Variants in UBE2W observed in about 807,000 individuals in gnomAD.
UBE2W encodes the protein ubiquitin-conjugating enzyme E2 W.
UBE2W carries 18 observed loss-of-function variants against 27.2 expected under a neutral mutation model. The observed-to-expected ratio is 0.66, with a 90% CI of 0.46 to 0.98. The LOEUF (loss-of-function observed/expected upper bound fraction) is 0.98, where lower values mean the gene tolerates loss of function less well. Among genes scored for constraint, UBE2W ranks in the 50% least tolerant of loss-of-function variants. The probability of loss-of-function intolerance (pLI) is 0.00; values close to 1 mark genes in which losing one functional copy is unlikely to be tolerated. For missense variants in UBE2W, 90 were observed against 180.2 expected, an observed-to-expected ratio of 0.50 and a Z score of 2.87; for synonymous variants, 53 against 57.2, an observed-to-expected ratio of 0.93 and a Z score of 0.33.
chr8:73,866,580 C>G (rs573272167), intron 1 of UBE2W, among the ~76,000 whole-genome samples: 141 of 151,578 alleles, frequency 9.3e-4, no homozygotes, highest in African/African-American at 3.2e-3. Context: ...AATGTAAAAG[C>G]CAGAATTATT....
intron 1 of UBE2W, among the ~76,000 whole-genome samples, chr8:73,875,318 C>G (rs909501415): frequency 6.6e-6 from 1 of 152,140 alleles, no homozygotes; most frequent in Non-Finnish European, 1.5e-5. Flanking sequence ...CCAGGTGCTT[C>G]TAGCCTCCCA....
At chr8:73,794,168 A>G (rs117165729) in intron 5 of UBE2W, 53 bp from the exon 6 acceptor site, 18,933 of 1,589,390 alleles carry the variant, frequency 0.012, 132 homozygotes, top group Non-Finnish European at 0.014. Flanking sequence ...GTATAAGTAA[A>G]TTCTACAAGT....
chr8:73,816,832 C>G (rs1483974847), intron 3 of UBE2W, among the ~76,000 whole-genome samples: 1 of 152,138 alleles, frequency 6.6e-6, no homozygotes, highest in Non-Finnish European at 1.5e-5. Flanking sequence ...TTAGGAGTTC[C>G]AGACCAGCCT....
intron 1 of UBE2W, among the ~76,000 whole-genome samples, chr8:73,846,203 C>A (rs1810790444): frequency 6.6e-6 from 1 of 152,098 alleles, no homozygotes; most frequent in Non-Finnish European, 1.5e-5. Flanking sequence ...GCAGGACCAA[C>A]ATGACCAACA....
At chr8:73,822,986 T>C (rs545657836) in intron 3 of UBE2W, among the ~76,000 whole-genome samples, 34 of 152,264 alleles carry the variant, frequency 2.2e-4, no homozygotes, top group African/African-American at 7.9e-4. Flanking sequence ...TTTAGTTGTG[T>C]TAAATTTGAG....
intron 1 of UBE2W, among the ~76,000 whole-genome samples, chr8:73,863,408 T>C (rs1175326865): frequency 1.4e-5 from 2 of 141,116 alleles, no homozygotes; most frequent in Admixed American, 7.3e-5. Context: ...AAGGGGAGTA[T>C]CACACTCTGG....
chr8:73,850,222 G>A (rs1465617757), intron 1 of UBE2W, among the ~76,000 whole-genome samples: 1 of 152,174 alleles, frequency 6.6e-6, no homozygotes, highest in Non-Finnish European at 1.5e-5. Context: ...GAACCATAAG[G>A]AGTATCTTTC....
chr8:73,797,596 C>CA (rs1288878504), intron 5 of UBE2W, among the ~76,000 whole-genome samples: 1 of 152,188 alleles, frequency 6.6e-6, no homozygotes, highest in African/African-American at 2.4e-5. Context: ...AGCAACTATA[C>CA]AGCAGGAAGA....
At chr8:73,852,021 A>G (rs1811105342) in intron 1 of UBE2W, among the ~76,000 whole-genome samples, 1 of 147,686 alleles carries the variant, frequency 6.8e-6, no homozygotes, top group African/African-American at 2.5e-5. Context: ...ATGAAGGGGG[A>G]AGGAAAAAGG....
intron 5 of UBE2W, 142 bp from the exon 6 acceptor site, chr8:73,794,257 A>C (rs1808322124): frequency 1.0e-6 from 1 of 986,254 alleles, no homozygotes; most frequent in Non-Finnish European, 1.5e-6. Flanking sequence ...AAACCTGTGA[A>C]TACAAAGTGC....
intron 5 of UBE2W, among the ~76,000 whole-genome samples, chr8:73,799,266 T>C (rs1256665943): frequency 1.3e-5 from 2 of 152,062 alleles, no homozygotes; most frequent in Non-Finnish European, 2.9e-5. Context: ...CAAGCTATGA[T>C]GCAAGCAAAG....
At chr8:73,799,450 G>A (rs575107220) in intron 5 of UBE2W, among the ~76,000 whole-genome samples, 2 of 152,210 alleles carry the variant, frequency 1.3e-5, no homozygotes, top group East Asian at 3.9e-4. Flanking sequence ...CTTTAACACT[G>A]GTATTTGGCA....
At chr8:73,866,293 ATATATATAT>A (rs1811769151) in intron 1 of UBE2W, among the ~76,000 whole-genome samples, 1 of 61,518 alleles carries the variant, frequency 1.6e-5, no homozygotes, top group African/African-American at 7.1e-5. Context: ...AAAAAAAAAT[ATATATATAT>A]ATATATATAT....
intron 1 of UBE2W, among the ~76,000 whole-genome samples, chr8:73,848,615 C>T (rs543302793): frequency 3.9e-4 from 59 of 152,168 alleles, no homozygotes; most frequent in Non-Finnish European, 6.9e-4. Flanking sequence ...ACACCTGAGC[C>T]TAGGAATTGG....
At chr8:73,858,357 T>C (rs1811390365) in intron 1 of UBE2W, among the ~76,000 whole-genome samples, 2 of 51,682 alleles carry the variant, frequency 3.9e-5, no homozygotes, top group Non-Finnish European at 7.0e-5. Flanking sequence ...CAAGACTTCA[T>C]CTCAAAAAAA....
At chr8:73,809,156 A>C (rs1809046116) in intron 4 of UBE2W, among the ~76,000 whole-genome samples, 1 of 152,162 alleles carries the variant, frequency 6.6e-6, no homozygotes, top group Admixed American at 6.6e-5. Context: ...TGAGAGGAGA[A>C]AATATAACAG....
At position 73,793,657 on chromosome 8, in the gene UBE2W, T is replaced by C. The variant is rs1193689162; in HGVS notation, c.*445A>G. 186 of 987,496 alleles carry C rather than the reference T, an allele frequency of 1.9e-4. No individual in the cohort carries two copies. The highest frequency in any genetic ancestry group is 2.1e-4 in the Non-Finnish European group (177 of 831,246). The allele number at this position is 987,496 out of a possible 1,614,324, so 61.2% of individuals were successfully genotyped here. A position where few individuals can be genotyped will look rare whatever the true frequency, so the allele number is the denominator to read the frequency against. ...CCTCACTTTATTTATATTCCCACTATAACCAGTAAGTTCATTTCATAGGCC... is the reference window on the plus strand; with the variant it reads ...CCTCACTTTATTTATATTCCCACTACAACCAGTAAGTTCATTTCATAGGCC... On this transcript the variant is annotated 3_prime_UTR_variant, in exon 6 of 6. Transcript: ENST00000602593.
At chr8:73,826,129 T>C (rs1315190749) in intron 2 of UBE2W, among the ~76,000 whole-genome samples, 1 of 152,200 alleles carries the variant, frequency 6.6e-6, no homozygotes, top group African/African-American at 2.4e-5. Flanking sequence ...TTGTGGTGAC[T>C]TTCCTTTATC....
Position 73,878,836 on chromosome 8 carries a change from C to T in UBE2W, c.-14G>A, listed in dbSNP as rs1812360128. On this transcript the variant is annotated 5_prime_UTR_variant, in exon 1 of 6. Coordinates refer to ENST00000602593, the MANE Select transcript of UBE2W (RefSeq NM_018299.6). ...CATTGACGCCATGATGGAACCATCC[C>T]CCCAAGACCGGCGAGGCCAGAGACG... The T allele has an allele frequency of 1.9e-6, 3 of 1,549,712 alleles. No individual in the cohort carries two copies. Among genetic ancestry groups the T allele is most frequent in the East Asian group, 4.9e-5 (2 of 40,698 alleles).
Sources: allele counts gnomAD v4.1 joint callset (sites outside exome capture counted in the v4.1 genomes callset), GRCh38; gene constraint gnomAD v4.1.1; transcripts MANE v1.5; gene names NCBI Gene and HGNC (gene_info 2026-07-23, HGNC 2026-07-21).